The following PCSK2 variants were observed in gnomAD, a reference collection of about 807,000 sequenced individuals.
PCSK2 encodes the protein neuroendocrine convertase 2.
In PCSK2, 14 loss-of-function variants were observed where a neutral mutation model predicts 69.7. That is an observed-to-expected ratio of 0.20 (90% CI 0.13 to 0.31). PCSK2 has a LOEUF of 0.31. PCSK2 is among the 10% of genes least tolerant of loss of function. The probability of loss-of-function intolerance (pLI) is 1.00; values close to 1 mark genes in which losing one functional copy is unlikely to be tolerated. For synonymous variants in PCSK2, 307 were observed against 320.7 expected (o/e 0.96, Z 0.46); for missense variants, 544 against 842.5 (o/e 0.65, Z 4.39).
At chr20:17,301,768 T>C (rs1989091333) in intron 2 of PCSK2, among the ~76,000 whole-genome samples, 2 of 152,078 alleles carry the variant, frequency 1.3e-5, no homozygotes, top group South Asian at 4.2e-4. Context: ...CAGTGTCTAC[T>C]AAAAATTCAA....
Position 17,453,967 on chromosome 20 carries a change from T to C in PCSK2, c.1101+10T>C, listed in dbSNP as rs200589900. 9.7e-5 allele frequency: 157 copies of C among 1,613,824 alleles called. No homozygotes were observed. The highest frequency in any genetic ancestry group is 2.7e-4 in the South Asian group (25 of 91,046). ...CCCCGAGGCCGGTGTGGTGAGCACG[T>C]CCCCTTCTGTCCTTGTTTCCTTAGG... On this transcript the variant is annotated intron_variant, in intron 9 of 11. Transcript: ENST00000262545. The surrounding 1 kb of genome is among the most constrained non-coding windows in gnomAD (Gnocchi z 4.0).
Position 17,484,370 on chromosome 20 carries a change from T to A in PCSK2, c.*2300T>A, listed in dbSNP as rs545602099. 2.2e-4 allele frequency: 33 copies of A among 152,656 alleles called. No homozygotes were observed. The South Asian group carries it at 2.5e-3, about 12-fold the overall frequency. 9.5% of individuals were successfully genotyped at this position (152,656 alleles called of 1,614,324 possible). ...TCATTTTTTGCATCAGTATTAATAC[T>A]AAAATATGTCTCGCTAGTGATGTTT... On this transcript the variant is annotated 3_prime_UTR_variant, in exon 12 of 12. Coordinates refer to ENST00000262545, the MANE Select transcript of PCSK2 (RefSeq NM_002594.5).
At chr20:17,230,759 A>G (rs1239282970) in intron 1 of PCSK2, among the ~76,000 whole-genome samples, 2 of 152,228 alleles carry the variant, frequency 1.3e-5, no homozygotes, top group South Asian at 2.1e-4. Context: ...TGGCCTGTAT[A>G]TGAATATTTA....
At chr20:17,241,826 A>G (rs1410011031) in intron 1 of PCSK2, among the ~76,000 whole-genome samples, 1 of 152,244 alleles carries the variant, frequency 6.6e-6, no homozygotes, top group East Asian at 1.9e-4. Context: ...AAGAAAGAAC[A>G]GTGGTGTATC....
intron 2 of PCSK2, among the ~76,000 whole-genome samples, chr20:17,332,584 T>G (rs1990233628): frequency 6.6e-6 from 1 of 152,156 alleles, no homozygotes. Flanking sequence ...CCAGTGTCAC[T>G]TGGGAATTGG....
chr20:17,239,214 G>GA (rs1421398805), intron 1 of PCSK2, among the ~76,000 whole-genome samples: 7 of 152,128 alleles, frequency 4.6e-5, no homozygotes, highest in Non-Finnish European at 1.0e-4. Context: ...TCTGTGGGAA[G>GA]AAAAAATATC....
chr20:17,422,720 G>A lies in PCSK2; in HGVS notation c.621-6715G>A, dbSNP rs186482206. 2.3e-3 allele frequency among the ~76,000 whole-genome samples: 347 copies of A among 152,208 alleles called. 2 individuals are homozygous for A. The highest frequency in any genetic ancestry group is 2.0e-3 in the Non-Finnish European group (133 of 68,008). The stretch of plus-strand genomic sequence containing the variant: ...CAACAGCAAGATGGGAAGCTTTGCC[G>A]ACCGGATACCAAAACATTACACAAC... On this transcript the variant is annotated intron_variant, in intron 6 of 11. Coordinates refer to ENST00000262545, the MANE Select transcript of PCSK2 (RefSeq NM_002594.5).
intron 11 of PCSK2, among the ~76,000 whole-genome samples, chr20:17,472,530 T>C (rs2033219481): frequency 6.6e-6 from 1 of 152,240 alleles, no homozygotes; most frequent in Non-Finnish European, 1.5e-5. Context: ...TCATTGTTAC[T>C]ATTGTGATTA....
At chr20:17,343,555 C>T (rs989921012) in intron 2 of PCSK2, among the ~76,000 whole-genome samples, 1 of 152,234 alleles carries the variant, frequency 6.6e-6, no homozygotes, top group Admixed American at 6.5e-5. Flanking sequence ...CAAAGATGCC[C>T]ACATTCTAAG....
chr20:17,302,162 G>A lies in PCSK2; in HGVS notation c.282+41818G>A, dbSNP rs1028902777. Among the ~76,000 whole-genome samples, 7 of 152,098 alleles carry A rather than the reference G, an allele frequency of 4.6e-5. No individual in the cohort carries two copies. In the Middle Eastern group the frequency reaches 0.017, roughly 370 times the overall value. Reference sequence around the variant, plus strand: ...TTGAGAAAACAAGAATATTCTTATTGGGTTACAGTAGGAGTTTTGTGCTCA... The same window carrying A: ...TTGAGAAAACAAGAATATTCTTATTAGGTTACAGTAGGAGTTTTGTGCTCA... On this transcript the variant is annotated intron_variant, in intron 2 of 11. Coordinates refer to ENST00000262545, the MANE Select transcript of PCSK2 (RefSeq NM_002594.5).
chr20:17,310,315 T>G (rs933593741), intron 2 of PCSK2, among the ~76,000 whole-genome samples: 1 of 152,176 alleles, frequency 6.6e-6, no homozygotes. Context: ...TCCCCCAGGC[T>G]CTGTCTGGAG....
chr20:17,254,468 G>T (rs1028057366), intron 1 of PCSK2, among the ~76,000 whole-genome samples: 2 of 152,114 alleles, frequency 1.3e-5, no homozygotes, highest in African/African-American at 4.8e-5. Context: ...CATTCTCATT[G>T]AATTGTTCTA....
At chr20:17,236,866 G>A (rs1986360213) in intron 1 of PCSK2, among the ~76,000 whole-genome samples, 1 of 152,108 alleles carries the variant, frequency 6.6e-6, no homozygotes, top group Non-Finnish European at 1.5e-5. Flanking sequence ...TTATTTCAGA[G>A]GATTAAGAGG....
At chr20:17,327,168 G>A (rs1260126879) in intron 2 of PCSK2, among the ~76,000 whole-genome samples, 1 of 152,198 alleles carries the variant, frequency 6.6e-6, no homozygotes, top group Non-Finnish European at 1.5e-5. Context: ...TGAAGTCACA[G>A]CTCCTTTCAA....
At chr20:17,438,153 T>A (rs1490979188) in intron 8 of PCSK2, among the ~76,000 whole-genome samples, 3 of 152,244 alleles carry the variant, frequency 2.0e-5, no homozygotes, top group Non-Finnish European at 2.9e-5. Context: ...ATTTTGGGAA[T>A]GTTTTTAAAT....
chr20:17,310,214 G>C (rs867000843), intron 2 of PCSK2, among the ~76,000 whole-genome samples: 23 of 152,200 alleles, frequency 1.5e-4, no homozygotes, highest in African/African-American at 4.6e-4. Context: ...CCACCACACT[G>C]TCCCCCTGAT....
chr20:17,269,698 T>C (rs1386755914), intron 2 of PCSK2, among the ~76,000 whole-genome samples: 3 of 152,234 alleles, frequency 2.0e-5, no homozygotes, highest in East Asian at 1.9e-4. Flanking sequence ...CAATCCCAAC[T>C]AGGCACTAAC....
intron 2 of PCSK2, among the ~76,000 whole-genome samples, chr20:17,293,884 T>C (rs575314626): frequency 6.6e-6 from 1 of 152,252 alleles, no homozygotes; most frequent in South Asian, 2.1e-4. Flanking sequence ...AAAGAAAACA[T>C]GCCTCTTGAT....
At chr20:17,297,229 A>G (rs182902885) in intron 2 of PCSK2, among the ~76,000 whole-genome samples, 4 of 152,352 alleles carry the variant, frequency 2.6e-5, no homozygotes, top group South Asian at 2.1e-4. Flanking sequence ...AGAGCGATAC[A>G]GAACAGTGCC....
Sources: gnomAD v4.1 joint callset for allele counts (sites outside exome capture counted in the v4.1 genomes callset) on GRCh38, gnomAD v4.1.1 for gene constraint, Gnocchi (gnomAD v3.1) non-coding constraint, MANE v1.5 for transcripts, NCBI Gene and HGNC (gene_info 2026-07-23, HGNC 2026-07-21) for gene names.